SMC1A: variants seen among roughly 807,000 people sequenced by gnomAD.
The protein encoded by SMC1A is structural maintenance of chromosomes 1A.
A neutral mutation model predicts 94.5 loss-of-function variants in SMC1A; 4 were observed. The observed-to-expected ratio is 0.04, with a 90% CI of 0.02 to 0.10. The LOEUF (loss-of-function observed/expected upper bound fraction) is 0.10. SMC1A is among the 10% of genes least tolerant of loss of function. The pLI, the probability that SMC1A is intolerant of heterozygous loss-of-function variation, is 1.00. For synonymous variants in SMC1A, 345 were observed against 347.7 expected, an observed-to-expected ratio of 0.99 and a Z score of 0.09; for missense variants, 304 against 989.0, an observed-to-expected ratio of 0.31 and a Z score of 9.29.
intron 8 of SMC1A, 53 bp from the exon 9 acceptor site, chrX:53,409,322 G>A: frequency 8.5e-7 from 1 of 1,174,130 alleles, no homozygotes; most frequent in Non-Finnish European, 1.2e-6. Context: ...AAATACTCCT[G>A]GCTCAGAGAG....
At chrX:53,397,984 C>T (rs1474604783) in intron 16 of SMC1A, among the ~76,000 whole-genome samples, 1 of 108,678 alleles carries the variant, frequency 9.2e-6, no homozygotes, top group East Asian at 2.9e-4. Flanking sequence ...CCAGGAGTTC[C>T]AGACCAGCCT....
chrX:53,393,683 C>T (rs1777984876), intron 19 of SMC1A, among the ~76,000 whole-genome samples: 1 of 110,949 alleles, frequency 9.0e-6, no homozygotes, highest in Non-Finnish European at 1.9e-5. Flanking sequence ...GCCTGAGGTT[C>T]ATTATTATCA....
At chrX:53,405,725 A>C in intron 10 of SMC1A, 46 bp downstream of exon 10, 1 of 1,207,082 alleles carries the variant, frequency 8.3e-7, no homozygotes, top group South Asian at 1.8e-5. Flanking sequence ...GTACTAGAGG[A>C]GGGGCCCTTG....
intron 16 of SMC1A, among the ~76,000 whole-genome samples, chrX:53,399,320 T>A (rs782615975): frequency 1.4e-4 from 16 of 112,829 alleles, no homozygotes; most frequent in African/African-American, 5.1e-4. Flanking sequence ...TTTTCCACGA[T>A]GTGTTACAAA....
Position 53,410,926 on chromosome X carries a change from C to CA in SMC1A, c.1254+834dup, listed in dbSNP as rs56669032. Reference sequence around the variant, plus strand: ...TGGGCAACAGAGTGAGGCTTTGTCTCAAAAAAAAAAAAAAAAAAAGTAGCC... The same window carrying CA: ...TGGGCAACAGAGTGAGGCTTTGTCTCAAAAAAAAAAAAAAAAAAAAGTAGCC... On this transcript the variant is annotated intron_variant, in intron 7 of 24. Coordinates refer to ENST00000322213, the MANE Select transcript of SMC1A (RefSeq NM_006306.4). 6.9e-3 allele frequency among the ~76,000 whole-genome samples: 200 copies of CA among 28,811 alleles called. 38 individuals carry two copies. The highest frequency in any genetic ancestry group is 0.033 in the East Asian group (24 of 732). The allele number at this position is 28,811 out of a possible 115,157, so 25.0% of individuals were successfully genotyped here.
At chrX:53,405,455 A>C in intron 11 of SMC1A, 38 bp downstream of exon 11, 1 of 1,210,929 alleles carries the variant, frequency 8.3e-7, no homozygotes, top group Non-Finnish European at 1.1e-6. Flanking sequence ...TCCAGTACTG[A>C]GCCTGTCCAG....
chrX:53,405,004 G>T lies in SMC1A; in HGVS notation c.2196+8C>A. ...CTTTGGAGAACAGGGCTGAAGGCCAGGCCCCACCTGCAGATTCAGGGCTAG... is the reference window on the plus strand; with the variant it reads ...CTTTGGAGAACAGGGCTGAAGGCCATGCCCCACCTGCAGATTCAGGGCTAG... On this transcript the variant is annotated splice_region_variant and intron_variant, in intron 13 of 24. Coordinates refer to ENST00000322213, the MANE Select transcript of SMC1A (RefSeq NM_006306.4). 1 of 1,195,285 alleles carries T rather than the reference G, an allele frequency of 8.4e-7. No individual in the cohort carries two copies. The highest frequency in any genetic ancestry group is 1.1e-6 in the Non-Finnish European group (1 of 887,917).
rs2075720054 is a variant in SMC1A at position 53,413,151 on chromosome X, G to A, written c.616-13C>T. Reference sequence around the variant, plus strand: ...GGTACCGGTCAGCCTGTGCAAACAGGGGAATGGTGGCAGGGGTGCATCGAT... The same window carrying A: ...GGTACCGGTCAGCCTGTGCAAACAGAGGAATGGTGGCAGGGGTGCATCGAT... On this transcript the variant is annotated splice_polypyrimidine_tract_variant and intron_variant, in intron 4 of 24. Transcript: ENST00000322213. 1 of 1,211,791 alleles carries A rather than the reference G, an allele frequency of 8.3e-7. No homozygotes were observed. The highest frequency in any genetic ancestry group is 1.1e-6 in the Non-Finnish European group (1 of 895,579).
chrX:53,403,479 T>C (rs1246535906), intron 15 of SMC1A, 87 bp downstream of exon 15: 25 of 721,158 alleles, frequency 3.5e-5, no homozygotes, highest in Non-Finnish European at 3.9e-5. Flanking sequence ...GAGCTGACCC[T>C]TGCCTATGAC....
At chrX:53,402,636 G>A (rs1263000191) in intron 15 of SMC1A, among the ~76,000 whole-genome samples, 5 of 103,736 alleles carry the variant, frequency 4.8e-5, no homozygotes, top group South Asian at 4.5e-4. Flanking sequence ...AGGCCAAGGC[G>A]GGTGGATCAC....
chrX:53,381,909 G>A lies in SMC1A; in HGVS notation c.3437+323C>T, dbSNP rs185358315. Reference sequence around the variant, plus strand: ...TCCTAAAGGGGAGGAGAATGAGGAAGGGTGAAGGGGTGAAAGGTGATGATC... The same window carrying A: ...TCCTAAAGGGGAGGAGAATGAGGAAAGGTGAAGGGGTGAAAGGTGATGATC... On this transcript the variant is annotated intron_variant, in intron 22 of 24. Transcript: ENST00000322213. 228 of 345,000 alleles carry A rather than the reference G, an allele frequency of 6.6e-4. 1 individual carries two copies. The highest frequency in any genetic ancestry group is 5.6e-3 in the African/African-American group (214 of 38,315). 28.4% of individuals were successfully genotyped at this position (345,000 alleles called of 1,213,427 possible).
intron 13 of SMC1A, 150 bp from the exon 14 acceptor site, chrX:53,404,043 A>C: frequency 2.0e-6 from 1 of 509,847 alleles, no homozygotes; most frequent in South Asian, 2.7e-5. Flanking sequence ...AGCCTCCATG[A>C]TGTTGCACTG....
chrX:53,379,990 A>G lies in SMC1A; in HGVS notation c.*113T>C. 1.7e-6 allele frequency: 1 copy of G among 572,331 alleles called. No individual in the cohort carries two copies. Among genetic ancestry groups the G allele is most frequent in the South Asian group, 2.4e-5 (1 of 41,400 alleles). 47.2% of individuals were successfully genotyped at this position (572,331 alleles called of 1,213,427 possible). ...GCTTGATTAGCAGTGCCTAAATCCC[A>G]TGACTACACCAAAAAGGGCCAGGAG... is the stretch of plus-strand genomic sequence containing the variant. On this transcript the variant is annotated 3_prime_UTR_variant, in exon 25 of 25. Coordinates refer to ENST00000322213, the MANE Select transcript of SMC1A (RefSeq NM_006306.4).
Position 53,412,947 on chromosome X carries a change from C to A in SMC1A, c.807G>T (p.Glu269Asp). ...VEDELKEKKK[E>D]LGKMMREQQQ... ...GCTGCTCCCGCATCATTTTGCCCAG[C>A]TCCTTCTTCTTCTCCTTCAGTTCAT... The change falls in exon 5 of 25, where the codon GAG becomes GAT. Residue 269 changes from glutamate to aspartate, a missense_variant. Glu to Asp is a conservative substitution (Grantham distance 45). Transcript: ENST00000322213. 1 of 1,192,109 alleles carries A rather than the reference C, an allele frequency of 8.4e-7. No homozygotes were observed. The highest frequency in any genetic ancestry group is 1.1e-6 in the Non-Finnish European group (1 of 878,048).
intron 19 of SMC1A, 77 bp downstream of exon 19, chrX:53,394,701 C>G (rs2146592207): frequency 1.5e-6 from 1 of 655,243 alleles, no homozygotes; most frequent in Admixed American, 2.6e-5. Context: ...GGCTGACCTC[C>G]TCTCTGGACA....
At chrX:53,380,242 G>A in intron 24 of SMC1A, 56 bp from the exon 25 acceptor site, 1 of 915,331 alleles carries the variant, frequency 1.1e-6, no homozygotes, top group Non-Finnish European at 1.6e-6. Flanking sequence ...ATTAAGAGGG[G>A]TCTAGTGCCC....
intron 16 of SMC1A, among the ~76,000 whole-genome samples, chrX:53,397,708 G>A (rs1556888243): frequency 8.9e-6 from 1 of 112,119 alleles, no homozygotes; most frequent in African/African-American, 3.2e-5. Context: ...GTTGATGACC[G>A]ATGAATCTTG....
At chrX:53,389,062 A>T (rs2075616830) in intron 19 of SMC1A, among the ~76,000 whole-genome samples, 1 of 106,871 alleles carries the variant, frequency 9.4e-6, no homozygotes, top group Non-Finnish European at 1.9e-5. Context: ...AACAGCACTG[A>T]TCTACATCTA....
chrX:53,376,212 T>C lies in SMC1A; in HGVS notation c.*3891A>G, dbSNP rs2075559187. ...AACATCTAACCTAATCTGTTTTCCA[T>C]GCTGGTTGGCTAGCCAGCCAGAAAC... On this transcript the variant is annotated 3_prime_UTR_variant, in exon 25 of 25. Transcript: ENST00000322213. The C allele has an allele frequency of 8.9e-6, 1 of 112,121 alleles. No homozygotes were observed. The highest frequency in any genetic ancestry group is 3.2e-5 in the African/African-American group (1 of 30,804). The allele number at this position is 112,121 out of a possible 1,213,427, so 9.2% of individuals were successfully genotyped here.
Sources: gnomAD v4.1 joint callset for allele counts (sites outside exome capture counted in the v4.1 genomes callset) on GRCh38, gnomAD v4.1.1 for gene constraint, MANE v1.5 for transcripts, NCBI Gene and HGNC (gene_info 2026-07-23, HGNC 2026-07-21) for gene names.